Variants in PIWIL3 observed in about 807,000 individuals in gnomAD.
The protein encoded by PIWIL3 is piwi-like protein 3.
A neutral mutation model predicts 109.7 loss-of-function variants in PIWIL3; 101 were observed. The ratio of observed to expected loss-of-function variants is 0.92; its 90% CI spans 0.78 to 1.09. PIWIL3 has a LOEUF of 1.09. PIWIL3 is among the 50% of genes least tolerant of loss of function. The probability of loss-of-function intolerance (pLI) is 0.00; values close to 1 mark genes in which losing one functional copy is unlikely to be tolerated. For synonymous variants in PIWIL3, 373 were observed against 376.4 expected (o/e 0.99, Z 0.10); for missense variants, 1,031 against 1,072.6 (o/e 0.96, Z 0.54).
chr22:24,757,098 AAAAAG>A (rs1369598819), intron 4 of PIWIL3, among the ~76,000 whole-genome samples: 8 of 146,520 alleles, frequency 5.5e-5, no homozygotes, highest in South Asian at 2.1e-4. Context: ...AAAAAAAAAA[AAAAAG>A]AAAAGAAAAG....
Position 24,759,985 on chromosome 22 carries a change from TG to T in PIWIL3, c.106del (p.Gln36ArgfsTer41), listed in dbSNP as rs747731185. On this transcript the variant is annotated frameshift_variant, in exon 3 of 21. Transcript: ENST00000616349. LOFTEE classifies it high-confidence loss of function. The stretch of plus-strand genomic sequence containing the variant: ...TGTCGACTGCAACTGAGGGGGCTCC[TG>T]GGTCTGCATGTTTTTGGAAATAGAA... ...GPRAPGSATT[Q>X]EPPQLQSTPR... is the part of the protein sequence containing the mutation. 2,117 of 1,614,022 alleles carry T rather than the reference TG, an allele frequency of 1.3e-3. 1 individual carries two copies. Among genetic ancestry groups the T allele is most frequent in the Admixed American group, 2.2e-3 (132 of 60,002 alleles).
At chr22:24,728,901 AAAAAAAC>A (rs1040754241) in intron 14 of PIWIL3, among the ~76,000 whole-genome samples, 8 of 152,144 alleles carry the variant, frequency 5.3e-5, no homozygotes, top group African/African-American at 1.4e-4. Context: ...AGGAGAAAGG[AAAAAAAC>A]AAAAAACAAA....
At chr22:24,743,426 A>G (rs2147681480) in intron 12 of PIWIL3, among the ~76,000 whole-genome samples, 1 of 152,352 alleles carries the variant, frequency 6.6e-6, no homozygotes, top group Admixed American at 6.5e-5. Context: ...CGATCACAAA[A>G]ATATAGAACC....
At chr22:24,760,780 CAAAAAAAA>C (rs61469163) in intron 2 of PIWIL3, among the ~76,000 whole-genome samples, 1 of 41,030 alleles carries the variant, frequency 2.4e-5, no homozygotes, top group African/African-American at 9.4e-5. Flanking sequence ...AACTCTGTCT[CAAAAAAAA>C]AAAAAAAAAA....
At chr22:24,743,027 C>T (rs1280944445) in intron 12 of PIWIL3, among the ~76,000 whole-genome samples, 1 of 152,092 alleles carries the variant, frequency 6.6e-6, no homozygotes, top group Non-Finnish European at 1.5e-5. Flanking sequence ...CTACAAGGAA[C>T]TCAAATCAGC....
intron 1 of PIWIL3, among the ~76,000 whole-genome samples, chr22:24,763,646 A>G (rs1925590545): frequency 6.6e-6 from 1 of 152,086 alleles, no homozygotes; most frequent in Non-Finnish European, 1.5e-5. Flanking sequence ...TTCCACACAG[A>G]GACTCACAAG....
Position 24,759,926 on chromosome 22 carries a change from T to G in PIWIL3, c.166A>C (p.Arg56=). 6.2e-7 allele frequency: 1 copy of G among 1,614,196 alleles called. No individual in the cohort carries two copies. The highest frequency in any genetic ancestry group is 8.5e-7 in the Non-Finnish European group (1 of 1,180,032). Reference sequence around the variant, plus strand: ...CTTGCTGCTCTTGGCTGCAGAGGTCTAACCACTGGGACTTCCTCCTGCAGC... The same window carrying G: ...CTTGCTGCTCTTGGCTGCAGAGGTCGAACCACTGGGACTTCCTCCTGCAGC... ...RPLQEEVPVV[R]PLQPRAARGG... The change falls in exon 3 of 21, where the codon AGA becomes CGA. Residue 56 remains arginine (R), a synonymous_variant. Coordinates refer to ENST00000616349, the MANE Select transcript of PIWIL3 (RefSeq NM_001255975.1).
rs1198660648 is a variant in PIWIL3, at chr22:24,740,051, C to CAA, written c.1450-4161_1450-4160dup. ...TGGGGGACAAAGTGAGACTCGGTCT[C>CAA]AAAAAAAAAAAAAAAAAATTAGCCG... On this transcript the variant is annotated intron_variant, in intron 12 of 20. Transcript: ENST00000616349. 8.1e-3 allele frequency among the ~76,000 whole-genome samples: 549 copies of CAA among 67,566 alleles called. 8 individuals carry two copies. Among genetic ancestry groups the CAA allele is most frequent in the African/African-American group, 0.03 (514 of 17,034 alleles). 44.3% of individuals were successfully genotyped at this position (67,566 alleles called of 152,430 possible).
chr22:24,744,337 C>A (rs1389962182), intron 12 of PIWIL3, among the ~76,000 whole-genome samples: 1 of 152,004 alleles, frequency 6.6e-6, no homozygotes, highest in East Asian at 1.9e-4. Context: ...CTTTGGGAAG[C>A]CGAGGCAGGT....
chr22:24,724,861 TACACATTACAATTAATAC>T lies in PIWIL3; in HGVS notation c.2231+8_2231+25del, dbSNP rs1315145230. The stretch of plus-strand genomic sequence containing the variant: ...TGCTGGGATTACAGGCATGAGTCAC[TACACATTACAATTAATAC>T]AACCTACTTGTTAGGAGAGATGGTT... On this transcript the variant is annotated splice_region_variant and intron_variant, in intron 18 of 20. Transcript: ENST00000616349. 6.9e-6 allele frequency: 11 copies of T among 1,604,802 alleles called. No homozygotes were observed. Among genetic ancestry groups the T allele is most frequent in the Non-Finnish European group, 9.4e-6 (11 of 1,174,686 alleles).
In PIWIL3 at chr22:24,748,853, G is replaced by T. The variant is rs550553718; in HGVS notation, c.1449+54C>A. On this transcript the variant is annotated intron_variant, in intron 12 of 20. Transcript: ENST00000616349. ...CTGAGACTCAAGTTAGTTCCTTTTT[G>T]CTTTACTCTTCATTTGACCCCACCA... 2.5e-5 allele frequency: 35 copies of T among 1,398,690 alleles called. No individual in the cohort carries two copies. In the Admixed American group the frequency reaches 2.8e-4, roughly 11 times the overall value. The allele number at this position is 1,398,690 out of a possible 1,614,324, so 86.6% of individuals were successfully genotyped here.
intron 12 of PIWIL3, among the ~76,000 whole-genome samples, chr22:24,747,153 T>G (rs1234492480): frequency 6.6e-6 from 1 of 151,804 alleles, no homozygotes; most frequent in African/African-American, 2.4e-5. Flanking sequence ...GGATCAGAAA[T>G]AGAGAACCCA....
At chr22:24,734,826 T>TTC (rs1923563903) in intron 13 of PIWIL3, among the ~76,000 whole-genome samples, 1 of 151,422 alleles carries the variant, frequency 6.6e-6, no homozygotes, top group African/African-American at 2.4e-5. Flanking sequence ...ATAACTTTTT[T>TTC]TTTTTTTTTT....
intron 12 of PIWIL3, among the ~76,000 whole-genome samples, chr22:24,737,666 G>A (rs1923740809): frequency 6.6e-6 from 1 of 152,198 alleles, no homozygotes; most frequent in Admixed American, 6.5e-5. Flanking sequence ...CCCAGGCCTT[G>A]GCTCGTGGAT....
intron 1 of PIWIL3, among the ~76,000 whole-genome samples, chr22:24,767,785 A>C (rs1925884450): frequency 6.6e-6 from 1 of 152,200 alleles, no homozygotes; most frequent in South Asian, 2.1e-4. Flanking sequence ...CAAGATAAAT[A>C]CCAAAAATTA....
chr22:24,721,419 G>C (rs913032706), intron 19 of PIWIL3, among the ~76,000 whole-genome samples: 18 of 152,106 alleles, frequency 1.2e-4, no homozygotes, highest in Non-Finnish European at 1.5e-5. Flanking sequence ...TTAGGATTCA[G>C]AATCTCAGAC....
intron 12 of PIWIL3, among the ~76,000 whole-genome samples, chr22:24,747,453 T>C (rs1924439826): frequency 6.6e-6 from 1 of 152,068 alleles, no homozygotes; most frequent in Non-Finnish European, 1.5e-5. Flanking sequence ...AAAATGGATA[T>C]GTAGGATCAC....
chr22:24,768,255 G>GT (rs140615218), intron 1 of PIWIL3, among the ~76,000 whole-genome samples: 2,454 of 147,556 alleles, frequency 0.017, 55 homozygotes, highest in African/African-American at 0.056. Context: ...TGTTTTTTGT[G>GT]TTTTTTTTTT....
rs568384496 is a variant in PIWIL3 at position 24,773,801 on chromosome 22, G to A, written c.-23+521C>T. Among the ~76,000 whole-genome samples, 16 of 141,640 alleles carry A rather than the reference G, an allele frequency of 1.1e-4. No individual in the cohort carries two copies. In the South Asian group the frequency reaches 2.5e-3, roughly 22 times the overall value. 92.9% of individuals were successfully genotyped at this position (141,640 alleles called of 152,430 possible). ...GCGATCTTGGCTCACTGCAACCTCC[G>A]CCTCCCAGGTTCAAGCAATCCTCCT... On this transcript the variant is annotated intron_variant, in intron 1 of 20. Transcript: ENST00000616349.
Sources: gnomAD v4.1 joint callset for allele counts (sites outside exome capture counted in the v4.1 genomes callset) on GRCh38, gnomAD v4.1.1 for gene constraint, MANE v1.5 for transcripts, NCBI Gene and HGNC (gene_info 2026-07-23, HGNC 2026-07-21) for gene names.